Variants in MCC observed in about 807,000 individuals in gnomAD.
The protein encoded by MCC is colorectal mutant cancer protein.
MCC carries 90 observed loss-of-function variants against 116.2 expected under a neutral mutation model. That is an observed-to-expected ratio of 0.77 (90% CI 0.65 to 0.92). The LOEUF is 0.92. MCC is among the 40% of genes least tolerant of loss of function. The pLI is 0.00. For missense variants in MCC, 1,516 were observed against 1,312.2 expected, an observed-to-expected ratio of 1.16 and a Z score of -2.40; for synonymous variants, 578 against 510.5, an observed-to-expected ratio of 1.13 and a Z score of -1.78.
intron 3 of MCC, among the ~76,000 whole-genome samples, chr5:113,267,841 A>G (rs1454425021): frequency 6.6e-6 from 1 of 152,200 alleles, no homozygotes; most frequent in Non-Finnish European, 1.5e-5. Flanking sequence ...CCTTAAATGG[A>G]TAAGTTGTAT....
At chr5:113,242,143 C>A (rs1484159870) in intron 3 of MCC, among the ~76,000 whole-genome samples, 2 of 152,124 alleles carry the variant, frequency 1.3e-5, no homozygotes, top group African/African-American at 4.8e-5. Flanking sequence ...CAAGGTATAC[C>A]CAGATTCATT....
intron 11 of MCC, among the ~76,000 whole-genome samples, chr5:113,080,130 A>C (rs568918837): frequency 6.6e-6 from 1 of 152,212 alleles, no homozygotes; most frequent in Admixed American, 6.5e-5. Flanking sequence ...TTAGAATGGC[A>C]ATCATTAAAA....
At chr5:113,373,843 C>T (rs1022595279) in intron 2 of MCC, among the ~76,000 whole-genome samples, 1 of 152,144 alleles carries the variant, frequency 6.6e-6, no homozygotes, top group African/African-American at 2.4e-5. Context: ...TGTGTTAACA[C>T]ATTTTCACTG....
intron 6 of MCC, among the ~76,000 whole-genome samples, chr5:113,118,362 T>A (rs577917837): frequency 1.1e-3 from 171 of 152,174 alleles, no homozygotes; most frequent in African/African-American, 2.3e-3. Context: ...GTAATTTTTT[T>A]AAAAAAAACA....
intron 3 of MCC, among the ~76,000 whole-genome samples, chr5:113,309,318 G>A (rs1767079336): frequency 6.6e-6 from 1 of 152,062 alleles, no homozygotes; most frequent in Non-Finnish European, 1.5e-5. Context: ...TAGCCAATAG[G>A]TAATTTTTTA....
In MCC at chr5:113,289,059, G is replaced by A. The variant is rs1412935587; in HGVS notation, c.627+51460C>T. On this transcript the variant is annotated intron_variant, in intron 3 of 18. Coordinates refer to ENST00000408903, the MANE Select transcript of MCC (RefSeq NM_001085377.2). The stretch of plus-strand genomic sequence containing the variant: ...AAGAAGTCAGGGTTTTAAGGTAGGT[G>A]CGGTGGTTCACGCCTACAATCCCAA... Among the ~76,000 whole-genome samples the A allele has an allele frequency of 2.0e-5, 3 of 152,282 alleles. No individual in the cohort carries two copies. In the East Asian group the frequency reaches 5.8e-4, roughly 29 times the overall value.
rs1319086129 is a variant in MCC, at chr5:113,436,879, A to G, written c.170+51366T>C. The G allele has an allele frequency of 2.0e-5, 3 of 152,076 alleles. No individual in the cohort carries two copies. In the East Asian group the frequency reaches 5.8e-4, roughly 29 times the overall value. The allele number at this position is 152,076 out of a possible 1,614,324, so 9.4% of individuals were successfully genotyped here. On this transcript the variant is annotated intron_variant, in intron 1 of 18. Coordinates refer to ENST00000408903, the MANE Select transcript of MCC (RefSeq NM_001085377.2). ...ATCAGAAAATCTTTGAATCCACATG[A>G]CCCAGAAGCCCGCCTCCCACTTTCA...
intron 3 of MCC, among the ~76,000 whole-genome samples, chr5:113,217,064 T>C (rs1448571333): frequency 6.6e-6 from 1 of 152,238 alleles, no homozygotes; most frequent in Non-Finnish European, 1.5e-5. Context: ...GTCTCAGCTA[T>C]GTTATAGCAT....
intron 1 of MCC, among the ~76,000 whole-genome samples, chr5:113,478,426 A>G (rs1174136890): frequency 1.3e-5 from 2 of 152,190 alleles, no homozygotes; most frequent in East Asian, 1.9e-4. Context: ...AGGGTTGCCA[A>G]TGGGTTGGAT....
At chr5:113,382,440 T>C (rs11750254) in intron 2 of MCC, among the ~76,000 whole-genome samples, 17,033 of 151,834 alleles carry the variant, frequency 0.11, 1,167 homozygotes, top group Non-Finnish European at 0.12. Flanking sequence ...CTGGCTAACT[T>C]TTAAATTTTT....
chr5:113,318,981 C>G (rs1767354640), intron 3 of MCC, among the ~76,000 whole-genome samples: 1 of 152,100 alleles, frequency 6.6e-6, no homozygotes, highest in South Asian at 2.1e-4. Flanking sequence ...ATCCTCCTAC[C>G]TCAGCCTTCT....
At chr5:113,043,671 G>A in intron 16 of MCC, 41 bp from the exon 17 acceptor site, 1 of 1,464,832 alleles carries the variant, frequency 6.8e-7, no homozygotes, top group Non-Finnish European at 9.5e-7. Context: ...CTGAATCCAA[G>A]CCGGCAGCAC....
chr5:113,336,816 G>C (rs1360337197), intron 3 of MCC, among the ~76,000 whole-genome samples: 1 of 152,194 alleles, frequency 6.6e-6, no homozygotes, highest in African/African-American at 2.4e-5. Context: ...ATTGTGAACG[G>C]TATGTTAAGC....
Position 113,091,981 on chromosome 5 carries a change from CT to C in MCC, c.1399-6672del, listed in dbSNP as rs1009189178. ...GTTCTGTGGGTCTGTGGGTGTTGTT[CT>C]GTTTCATTCACTACTGCATTGCCAA... On this transcript the variant is annotated intron_variant, in intron 8 of 18. Transcript: ENST00000408903. Among the ~76,000 whole-genome samples, 30 of 152,248 alleles carry C rather than the reference CT, an allele frequency of 2.0e-4. 1 individual carries two copies. The highest frequency in any genetic ancestry group is 6.7e-4 in the African/African-American group (28 of 41,540).
At chr5:113,339,366 C>T (rs1313406955) in intron 3 of MCC, among the ~76,000 whole-genome samples, 1 of 151,666 alleles carries the variant, frequency 6.6e-6, no homozygotes, top group Admixed American at 6.6e-5. Context: ...GATGTTGACA[C>T]ACTATTATTA....
intron 3 of MCC, among the ~76,000 whole-genome samples, chr5:113,195,321 C>A (rs1762344200): frequency 6.6e-6 from 1 of 152,200 alleles, no homozygotes; most frequent in Non-Finnish European, 1.5e-5. Context: ...AGGCAGAAAG[C>A]AAATTATAAC....
chr5:113,333,759 AAAAAC>A (rs1332850282), intron 3 of MCC, among the ~76,000 whole-genome samples: 1 of 126,088 alleles, frequency 7.9e-6, no homozygotes, highest in Non-Finnish European at 1.8e-5. Context: ...CTAAATGCAC[AAAAAC>A]AAAATGTCTT....
intron 3 of MCC, among the ~76,000 whole-genome samples, chr5:113,248,423 T>C (rs619146): frequency 0.25 from 37,884 of 151,924 alleles, 4,937 homozygotes; most frequent in African/African-American, 0.31. Context: ...TGTCACTTCA[T>C]TGCCTCAGTA....
intron 17 of MCC, among the ~76,000 whole-genome samples, chr5:113,034,063 CTTTTTTT>C (rs35834150): frequency 7.3e-6 from 1 of 136,296 alleles, no homozygotes; most frequent in Non-Finnish European, 1.5e-5. Flanking sequence ...ATTTTTAAAA[CTTTTTTT>C]TTTTTTTTTG....
Sources: gnomAD v4.1 joint callset for allele counts (sites outside exome capture counted in the v4.1 genomes callset) on GRCh38, gnomAD v4.1.1 for gene constraint, MANE v1.5 for transcripts, NCBI Gene and HGNC (gene_info 2026-07-23, HGNC 2026-07-21) for gene names.